Variants in MUSK observed in about 807,000 individuals in gnomAD.
The protein encoded by MUSK is muscle associated receptor tyrosine kinase.
A neutral mutation model predicts 88.7 loss-of-function variants in MUSK; 55 were observed. That is an observed-to-expected ratio of 0.62 (90% CI 0.50 to 0.78). The LOEUF (loss-of-function observed/expected upper bound fraction) is 0.78. MUSK is among the 30% of genes least tolerant of loss of function. The pLI, the probability that MUSK is intolerant of heterozygous loss-of-function variation, is 0.00. For synonymous variants in MUSK, 387 were observed against 391.9 expected, an observed-to-expected ratio of 0.99 and a Z score of 0.15; for missense variants, 1,015 against 1,074.3, an observed-to-expected ratio of 0.94 and a Z score of 0.77.
In MUSK at chr9:110,800,815, T is replaced by C. The variant is rs766741998; in HGVS notation, c.2437T>C (p.Tyr813His). 3.1e-6 allele frequency: 5 copies of C among 1,613,312 alleles called. No individual in the cohort carries two copies. The African/African-American group carries it at 6.7e-5, about 22-fold the overall frequency. Reference protein sequence around the residue: ...YYGMAHEEVIYYVRDGNILSC... With the variant: ...YYGMAHEEVIHYVRDGNILSC... ...TGGGATGGCCCATGAGGAGGTCATT[T>C]ACTACGTGCGAGATGGCAACATCCT... Residue 813 changes from tyrosine to histidine, a missense_variant, in exon 15 of 15, where the codon TAC becomes CAC. Tyr to His is a moderately conservative substitution (Grantham distance 83). Coordinates refer to ENST00000374448, the MANE Select transcript of MUSK (RefSeq NM_005592.4).
rs1364390499 is a variant in MUSK, at chr9:110,801,028, A to C, written c.*40A>C. On this transcript the variant is annotated 3_prime_UTR_variant, in exon 15 of 15. Coordinates refer to ENST00000374448, the MANE Select transcript of MUSK (RefSeq NM_005592.4). ...AAATAAAATGCTGCAGTTTCCTCTC[A>C]GACTCTGTGAGCCAGGGGAATCCTA... 6.8e-7 allele frequency: 1 copy of C among 1,461,690 alleles called. No homozygotes were observed. Among genetic ancestry groups the C allele is most frequent in the Non-Finnish European group, 9.0e-7 (1 of 1,108,950 alleles). The allele number at this position is 1,461,690 out of a possible 1,614,324, so 90.5% of individuals were successfully genotyped here.
intron 5 of MUSK, 131 bp downstream of exon 5, chr9:110,697,597 C>T: frequency 2.1e-6 from 2 of 943,442 alleles, no homozygotes; most frequent in Non-Finnish European, 2.9e-6. Flanking sequence ...GATATTAGGC[C>T]ATAAGTTCAA....
At chr9:110,673,613 A>T (rs1288936649) in intron 1 of MUSK, among the ~76,000 whole-genome samples, 1 of 152,148 alleles carries the variant, frequency 6.6e-6, no homozygotes, top group African/African-American at 2.4e-5. Context: ...TTTCCAAGAC[A>T]TTCTAAGACT....
chr9:110,758,068 A>T (rs143878504), intron 7 of MUSK, among the ~76,000 whole-genome samples: 2 of 152,068 alleles, frequency 1.3e-5, no homozygotes, highest in East Asian at 3.9e-4. Context: ...AGCTCAAGAG[A>T]TCCTCCTGCC....
chr9:110,707,354 C>CTT (rs964822108), intron 5 of MUSK, among the ~76,000 whole-genome samples: 1 of 152,036 alleles, frequency 6.6e-6, no homozygotes, highest in Non-Finnish European at 1.5e-5. Flanking sequence ...ATCTAATTTT[C>CTT]TTTTTTCCCC....
chr9:110,687,152 G>C lies in MUSK; in HGVS notation c.242G>C (p.Gly81Ala), dbSNP rs1644805907. 6.2e-7 allele frequency: 1 copy of C among 1,613,510 alleles called. No individual in the cohort carries two copies. The highest frequency in any genetic ancestry group is 1.3e-5 in the African/African-American group (1 of 74,852). ...ACCCGGTACAGCATCCGGGAGAATG[G>C]GCAGCTCCTCACCATCCTGAGTGTG... The part of the protein sequence containing the change: ...FDTRYSIREN[G>A]QLLTILSVED... Residue 81 changes from glycine (G) to alanine (A), a missense_variant, in exon 3 of 15, where the codon GGG becomes GCG. Physicochemically the swap from Gly to Ala is moderately conservative, Grantham distance 60. Transcript: ENST00000374448.
At chr9:110,681,028 ATTATATAT>A (rs1564209357) in intron 1 of MUSK, among the ~76,000 whole-genome samples, 2 of 12,516 alleles carry the variant, frequency 1.6e-4, no homozygotes, top group African/African-American at 6.2e-4. Flanking sequence ...TATATTATAT[ATTATATAT>A]TATATAATAT....
chr9:110,786,355 A>C (rs923743022), intron 13 of MUSK, among the ~76,000 whole-genome samples: 1 of 151,762 alleles, frequency 6.6e-6, no homozygotes. Flanking sequence ...AATTCTTTAC[A>C]TCATTAACCT....
intron 1 of MUSK, among the ~76,000 whole-genome samples, chr9:110,675,969 C>A (rs538229798): frequency 6.6e-6 from 1 of 152,058 alleles, no homozygotes; most frequent in African/African-American, 2.4e-5. Context: ...TGTTCTTTAT[C>A]TCTCAATATC....
At position 110,757,997 on chromosome 9, in the gene MUSK, C is replaced by G. The variant is rs367848340; in HGVS notation, c.914-4205C>G. Among the ~76,000 whole-genome samples the G allele has an allele frequency of 2.3e-4, 35 of 152,336 alleles. No homozygotes were observed. The East Asian group carries it at 6.7e-3, about 29-fold the overall frequency. On this transcript the variant is annotated intron_variant, in intron 7 of 14. Coordinates refer to ENST00000374448, the MANE Select transcript of MUSK (RefSeq NM_005592.4). Reference sequence around the variant, plus strand: ...TTTTGTTTTGAGACAGAGTCTCTCTCTCTTCCTCCCAAGTTGGAATGCAGT... The same window carrying G: ...TTTTGTTTTGAGACAGAGTCTCTCTGTCTTCCTCCCAAGTTGGAATGCAGT...
At position 110,716,403 on chromosome 9, in the gene MUSK, A is replaced by G. The variant is rs566088970; in HGVS notation, c.629-17848A>G. ...AATAAATTCTCACAAAGTAATAGAAAGCTCAGGAAATTAATATTTGAGAAG... is the reference window on the plus strand; with the variant it reads ...AATAAATTCTCACAAAGTAATAGAAGGCTCAGGAAATTAATATTTGAGAAG... On this transcript the variant is annotated intron_variant, in intron 5 of 14. Coordinates refer to ENST00000374448, the MANE Select transcript of MUSK (RefSeq NM_005592.4). 5.3e-5 allele frequency among the ~76,000 whole-genome samples: 8 copies of G among 150,274 alleles called. No homozygotes were observed. In the South Asian group the frequency reaches 1.7e-3, roughly 32 times the overall value.
rs118059804 is a variant in MUSK at position 110,744,136 on chromosome 9, T to C, written c.754-3505T>C. On this transcript the variant is annotated intron_variant, in intron 6 of 14. Coordinates refer to ENST00000374448, the MANE Select transcript of MUSK (RefSeq NM_005592.4). The stretch of plus-strand genomic sequence containing the variant: ...GTGGGTGCCATCAAGCCCAGCTAAC[T>C]TTTTGTATTCTTAGTAGAGACAGGG... 8.5e-3 allele frequency among the ~76,000 whole-genome samples: 1,298 copies of C among 152,236 alleles called. 3 individuals are homozygous for C. The highest frequency in any genetic ancestry group is 0.012 in the African/African-American group (493 of 41,552).
chr9:110,696,649 A>G (rs2076433951), intron 4 of MUSK, among the ~76,000 whole-genome samples: 1 of 152,170 alleles, frequency 6.6e-6, no homozygotes, highest in Non-Finnish European at 1.5e-5. Flanking sequence ...TAGGGTTCAA[A>G]ACAGAAAAGA....
At position 110,784,745 on chromosome 9, in the gene MUSK, A is replaced by G. The variant is rs116088710; in HGVS notation, c.1385-70A>G. On this transcript the variant is annotated intron_variant, in intron 11 of 14. Transcript: ENST00000374448. ...TATTATCATGAAATTTATTTTACTG[A>G]TTGCTTAAATACAAAAAATTGCTTC... The G allele has an allele frequency of 2.3e-3, 2,715 of 1,195,734 alleles. 33 individuals carry two copies. In the African/African-American group the frequency reaches 0.026, roughly 11 times the overall value. 74.1% of individuals were successfully genotyped at this position (1,195,734 alleles called of 1,614,324 possible).
intron 3 of MUSK, among the ~76,000 whole-genome samples, chr9:110,691,745 GTGT>G (rs952005432): frequency 7.9e-4 from 120 of 152,190 alleles, no homozygotes; most frequent in African/African-American, 2.6e-3. Flanking sequence ...TTTAGTTTTT[GTGT>G]TGTTGTCTTT....
At chr9:110,778,335 A>G (rs2077701235) in intron 11 of MUSK, among the ~76,000 whole-genome samples, 1 of 152,124 alleles carries the variant, frequency 6.6e-6, no homozygotes, top group African/African-American at 2.4e-5. Context: ...GTGAGACTTC[A>G]CATACTTTAT....
At chr9:110,732,461 C>T (rs1433485251) in intron 5 of MUSK, among the ~76,000 whole-genome samples, 3 of 151,990 alleles carry the variant, frequency 2.0e-5, no homozygotes, top group Non-Finnish European at 4.4e-5. Flanking sequence ...AGAATCCAAG[C>T]AGAGGCACAC....
chr9:110,788,318 A>G (rs1291255872), intron 14 of MUSK, among the ~76,000 whole-genome samples: 3 of 152,168 alleles, frequency 2.0e-5, no homozygotes, highest in Admixed American at 2.0e-4. Flanking sequence ...TTACACAGCA[A>G]TTAATAAAAC....
At chr9:110,756,023 A>G (rs2077320444) in intron 7 of MUSK, among the ~76,000 whole-genome samples, 1 of 136,096 alleles carries the variant, frequency 7.3e-6, no homozygotes, top group Non-Finnish European at 1.6e-5. Context: ...CCACAACTCA[A>G]TGAAATGGAT....
Sources: gnomAD v4.1 joint callset for allele counts (sites outside exome capture counted in the v4.1 genomes callset) on GRCh38, gnomAD v4.1.1 for gene constraint, MANE v1.5 for transcripts, NCBI Gene and HGNC (gene_info 2026-07-23, HGNC 2026-07-21) for gene names.